The following FBXL16 variants were observed in gnomAD, a reference collection of about 807,000 sequenced individuals.
The protein encoded by FBXL16 is F-box and leucine rich repeat protein 16, also known as F-box/LRR-repeat protein 16.
Under a neutral mutation model 36.7 loss-of-function variants are expected in FBXL16, and 7 were observed. The observed-to-expected ratio is 0.19, with a 90% CI of 0.11 to 0.36. The LOEUF is 0.36. FBXL16 is among the 10% of genes least tolerant of loss of function. The pLI is 1.00. For missense variants in FBXL16, 463 were observed against 659.4 expected, an observed-to-expected ratio of 0.70 and a Z score of 3.26; for synonymous variants, 355 against 308.7, an observed-to-expected ratio of 1.15 and a Z score of -1.57.
chr16:694,768 G>T (rs1235278962), intron 4 of FBXL16, 71 bp from the exon 5 acceptor site: 1 of 1,499,722 alleles, frequency 6.7e-7, no homozygotes, highest in Admixed American at 2.0e-5. Flanking sequence ...GGGGTCCATG[G>T]AGGGCTAGGC....
In FBXL16 at chr16:695,845, A is replaced by G; in HGVS notation, c.712T>C (p.Ser238Pro). The G allele has an allele frequency of 1.9e-6, 3 of 1,605,608 alleles. No individual in the cohort carries two copies. Among genetic ancestry groups the G allele is most frequent in the Non-Finnish European group, 2.6e-6 (3 of 1,175,018 alleles). The part of the protein sequence containing the change: ...CNDFTEAGLW[S>P]SLSARITSLS... Reference sequence around the variant, plus strand: ...GAGGTGATGCGCGCGCTCAGGCTGGACCACAGCCCGGCCTCGGTGAAGTCG... The same window carrying G: ...GAGGTGATGCGCGCGCTCAGGCTGGGCCACAGCCCGGCCTCGGTGAAGTCG... The change falls in exon 3 of 6, where the codon TCC becomes CCC. Residue 238 changes from serine to proline, a missense_variant. Ser to Pro is a moderately conservative substitution (Grantham distance 74). Transcript: ENST00000397621.
rs962783108 is a variant in FBXL16, at chr16:695,940, G to C, written c.634-17C>G. On this transcript the variant is annotated splice_polypyrimidine_tract_variant and intron_variant, in intron 2 of 5. Coordinates refer to ENST00000397621, the MANE Select transcript of FBXL16 (RefSeq NM_153350.4). ...AAGCATAACCTGCAGGCGGGCGGGC[G>C]CCGGGTCAGGATTGCAGGAGAAGGG... is the stretch of plus-strand genomic sequence containing the variant. 1.9e-6 allele frequency: 3 copies of C among 1,561,392 alleles called. No homozygotes were observed. Among genetic ancestry groups the C allele is most frequent in the African/African-American group, 2.7e-5 (2 of 74,076 alleles).
intron 1 of FBXL16, among the ~76,000 whole-genome samples, chr16:698,929 AAAAGAAAG>A (rs1157928691): frequency 1.1e-5 from 1 of 87,810 alleles, no homozygotes; most frequent in Non-Finnish European, 2.3e-5. Context: ...AAAAAAAAAA[AAAAGAAAG>A]AAAGAAAGAA....
chr16:695,540 C>A lies in FBXL16; in HGVS notation c.1017G>T (p.Glu339Asp). 6.2e-7 allele frequency: 1 copy of A among 1,601,446 alleles called. No homozygotes were observed. The highest frequency in any genetic ancestry group is 8.5e-7 in the Non-Finnish European group (1 of 1,178,580). Reference protein sequence around the residue: ...GCSKVTDDGVELVAENLRKLR... With the variant: ...GCSKVTDDGVDLVAENLRKLR... ...GCTTGCGCAGGTTCTCGGCCACGAGCTCCACGCCGTCGTCGGTGACCTTGG... is the reference window on the plus strand; with the variant it reads ...GCTTGCGCAGGTTCTCGGCCACGAGATCCACGCCGTCGTCGGTGACCTTGG... Residue 339 changes from glutamate (E) to aspartate (D), a missense_variant, in exon 3 of 6, where the codon GAG (glutamate) becomes GAT (aspartate). This residue lies in a region of FBXL16 where 66 missense variants were observed against 146.3 expected (regional missense o/e 0.45). Coordinates refer to ENST00000397621, the MANE Select transcript of FBXL16 (RefSeq NM_153350.4).
At chr16:698,895 C>G (rs1596574558) in intron 1 of FBXL16, among the ~76,000 whole-genome samples, 1 of 105,966 alleles carries the variant, frequency 9.4e-6, no homozygotes, top group Non-Finnish European at 1.8e-5. Context: ...GCCTGGGGAA[C>G]AGAGTGAGAC....
chr16:701,476 A>C (rs2040056762), intron 1 of FBXL16, among the ~76,000 whole-genome samples: 1 of 152,170 alleles, frequency 6.6e-6, no homozygotes, highest in South Asian at 2.1e-4. Flanking sequence ...AAACAGCCAC[A>C]CACTTTGGCC....
chr16:694,943 C>T, intron 4 of FBXL16, 49 bp downstream of exon 4: 1 of 1,486,616 alleles, frequency 6.7e-7, no homozygotes, highest in Non-Finnish European at 9.0e-7. Flanking sequence ...TCTCCCCGCG[C>T]CCCCACCTCC....
At position 699,408 on chromosome 16, in the gene FBXL16, C is replaced by G. The variant is rs552354420; in HGVS notation, c.-14-1989G>C. The stretch of plus-strand genomic sequence containing the variant: ...TTCGGATCTCCTGCCGCCCCCACCC[C>G]GACATCCGGGGAGGAGGTAGAGCCC... On this transcript the variant is annotated intron_variant, in intron 1 of 5. Transcript: ENST00000397621. Among the ~76,000 whole-genome samples the G allele has an allele frequency of 2.0e-5, 3 of 152,298 alleles. No individual in the cohort carries two copies. In the East Asian group the frequency reaches 5.8e-4, roughly 29 times the overall value.
At chr16:699,154 A>G (rs1338652672) in intron 1 of FBXL16, among the ~76,000 whole-genome samples, 1 of 152,222 alleles carries the variant, frequency 6.6e-6, no homozygotes, top group Non-Finnish European at 1.5e-5. Flanking sequence ...TGCCTGCCCG[A>G]GGTCATGGCC....
In FBXL16 at chr16:694,147, G is replaced by T; in HGVS notation, c.*128C>A. The T allele has an allele frequency of 1.7e-6, 1 of 579,566 alleles. No homozygotes were observed. The highest frequency in any genetic ancestry group is 2.5e-6 in the Non-Finnish European group (1 of 399,938). 35.9% of individuals were successfully genotyped at this position (579,566 alleles called of 1,614,324 possible). A position where few individuals can be genotyped will look rare whatever the true frequency, so the allele number is the denominator to read the frequency against. The stretch of plus-strand genomic sequence containing the variant: ...GAGGGGCTTTCCCTCGGCTCGCCCC[G>T]CCTCCCGCGCTGGGCCGGGGGCGCG... On this transcript the variant is annotated 3_prime_UTR_variant, in exon 6 of 6. Coordinates refer to ENST00000397621, the MANE Select transcript of FBXL16 (RefSeq NM_153350.4).
Position 697,956 on chromosome 16 carries a change from C to T in FBXL16, c.-14-537G>A, listed in dbSNP as rs930548298. The stretch of plus-strand genomic sequence containing the variant: ...CGGAGCTTGCAGTGAGCCGAGATTG[C>T]GCCACTGCACTCCAGCCTGGGCAAC... On this transcript the variant is annotated intron_variant, in intron 1 of 5. Transcript: ENST00000397621. The surrounding 1 kb of genome is among the most constrained non-coding windows in gnomAD (Gnocchi z 4.6). Among the ~76,000 whole-genome samples the T allele has an allele frequency of 2.0e-5, 3 of 151,326 alleles. No individual in the cohort carries two copies. Among genetic ancestry groups the T allele is most frequent in the Non-Finnish European group, 4.4e-5 (3 of 67,848 alleles).
chr16:694,884 G>C lies in FBXL16; in HGVS notation c.1227+108C>G, dbSNP rs1434814081. The stretch of plus-strand genomic sequence containing the variant: ...TGCGTTCCGCTTAGGTCGGCTGCTG[G>C]ATAGGGAGGGGCCCCAGACTCTCCC... On this transcript the variant is annotated intron_variant, in intron 4 of 5. Coordinates refer to ENST00000397621, the MANE Select transcript of FBXL16 (RefSeq NM_153350.4). 33 of 1,307,472 alleles carry C rather than the reference G, an allele frequency of 2.5e-5. No homozygotes were observed. The Admixed American group carries it at 5.8e-4, about 23-fold the overall frequency. The allele number at this position is 1,307,472 out of a possible 1,614,324, so 81.0% of individuals were successfully genotyped here. A position where few individuals can be genotyped will look rare whatever the true frequency, so the allele number is the denominator to read the frequency against.
In FBXL16 at chr16:695,765, C is replaced by T. The variant is rs140400011; in HGVS notation, c.792G>A (p.Ser264=). The change falls in exon 3 of 6, where the codon TCG becomes TCA. Residue 264 remains serine (S), a synonymous_variant. Coordinates refer to ENST00000397621, the MANE Select transcript of FBXL16 (RefSeq NM_153350.4). ...GCTCCGCCAGGTTGGGCAGCAGCTG[C>T]GAGATGGCCGCGATGGCGTCGTCGG... The part of the protein sequence containing the change: ...NVADDAIAAI[S]QLLPNLAELS... 2.5e-6 allele frequency: 4 copies of T among 1,604,418 alleles called. No homozygotes were observed. Among genetic ancestry groups the T allele is most frequent in the East Asian group, 2.2e-5 (1 of 44,790 alleles).
intron 1 of FBXL16, among the ~76,000 whole-genome samples, chr16:699,488 G>C (rs983594660): frequency 1.3e-5 from 2 of 152,186 alleles, no homozygotes; most frequent in Non-Finnish European, 2.9e-5. Context: ...CTGTGGTCTT[G>C]GCAAGCCACT....
At chr16:696,686 C>T (rs1413716354) in intron 2 of FBXL16, 87 bp downstream of exon 2, 2 of 1,341,432 alleles carry the variant, frequency 1.5e-6, no homozygotes, top group East Asian at 3.0e-5. Flanking sequence ...CCTCCCACCC[C>T]AAAGCCACCA....
At position 695,582 on chromosome 16, in the gene FBXL16, G is replaced by T. The variant is rs1306786067; in HGVS notation, c.975C>A (p.Leu325=). Residue 325 remains leucine, a synonymous_variant, in exon 3 of 6, where the codon CTC becomes CTA. Transcript: ENST00000397621. ...VVHSLPNLTA[L]SLSGCSKVTD... is the part of the protein sequence containing the mutation. ...TGACCTTGGAGCAGCCCGAGAGGCT[G>T]AGCGCGGTGAGGTTGGGCAGGCTGT... is the stretch of plus-strand genomic sequence containing the variant. 13 of 1,605,660 alleles carry T rather than the reference G, an allele frequency of 8.1e-6. No homozygotes were observed. The highest frequency in any genetic ancestry group is 1.0e-5 in the Non-Finnish European group (12 of 1,179,044).
At chr16:701,768 C>T (rs1352883345) in intron 1 of FBXL16, among the ~76,000 whole-genome samples, 2 of 152,216 alleles carry the variant, frequency 1.3e-5, no homozygotes, top group African/African-American at 2.4e-5. Context: ...ACAAGCAGCC[C>T]GGGTGCTAAT....
At chr16:695,309 G>A (rs2040002079) in intron 3 of FBXL16, 106 bp downstream of exon 3, 3 of 1,107,022 alleles carry the variant, frequency 2.7e-6, no homozygotes, top group Admixed American at 9.5e-5. Flanking sequence ...CACAGCCCCA[G>A]CCCCGCCGGA....
At chr16:694,925 C>T in intron 4 of FBXL16, 67 bp downstream of exon 4, 1 of 1,435,780 alleles carries the variant, frequency 7.0e-7, no homozygotes, top group Middle Eastern at 2.1e-4. Context: ...CTGAGTGGGG[C>T]CGGGAGCTCT....
Sources: gnomAD v4.1 joint callset for allele counts (sites outside exome capture counted in the v4.1 genomes callset) on GRCh38, gnomAD v4.1.1 for gene constraint, gnomAD v4.1.1 regional missense constraint, Gnocchi (gnomAD v3.1) non-coding constraint, MANE v1.5 for transcripts, NCBI Gene and HGNC (gene_info 2026-07-23, HGNC 2026-07-21) for gene names.